The following SHISAL2B variants were observed in gnomAD, a reference collection of about 807,000 sequenced individuals.
The protein encoded by SHISAL2B is protein shisa-like-2B.
SHISAL2B carries 12 observed loss-of-function variants against 16.5 expected under a neutral mutation model. That is an observed-to-expected ratio of 0.73 (90% CI 0.47 to 1.18). The LOEUF (loss-of-function observed/expected upper bound fraction) is 1.18, where lower values mean the gene tolerates loss of function less well. Among genes scored for constraint, SHISAL2B ranks in the 50% most tolerant of loss-of-function variants. SHISAL2B has a pLI of 0.00. For synonymous variants in SHISAL2B, 72 were observed against 75.0 expected, an observed-to-expected ratio of 0.96 and a Z score of 0.21; for missense variants, 183 against 193.6, an observed-to-expected ratio of 0.95 and a Z score of 0.33.
intron 2 of SHISAL2B, among the ~76,000 whole-genome samples, chr5:64,709,321 A>G (rs1047681307): frequency 5.3e-5 from 8 of 151,606 alleles, no homozygotes; most frequent in African/African-American, 1.9e-4. Context: ...GTTTACTGAG[A>G]ATGATGGTTT....
intron 2 of SHISAL2B, among the ~76,000 whole-genome samples, chr5:64,695,953 C>A (rs1741727650): frequency 6.6e-6 from 1 of 152,116 alleles, no homozygotes; most frequent in African/African-American, 2.4e-5. Flanking sequence ...TAAAGTTTAT[C>A]CTCTTGAAAT....
In SHISAL2B at chr5:64,707,085, A is replaced by G. The variant is rs908176725; in HGVS notation, c.350-10804A>G. On this transcript the variant is annotated intron_variant, in intron 2 of 2. Coordinates refer to ENST00000389074, the MANE Select transcript of SHISAL2B (RefSeq NM_001164442.2). ...TTTCTTTCTCCAGTCTTCCATTTTT[A>G]TTAAAAACAAATCATAATAGGACCA... 5.3e-5 allele frequency among the ~76,000 whole-genome samples: 8 copies of G among 152,218 alleles called. No homozygotes were observed. In the South Asian group the frequency reaches 6.2e-4, roughly 12 times the overall value.
intron 2 of SHISAL2B, among the ~76,000 whole-genome samples, chr5:64,700,643 C>T (rs1468928972): frequency 3.3e-5 from 5 of 152,268 alleles, no homozygotes; most frequent in African/African-American, 1.2e-4. Flanking sequence ...AAACTCATGA[C>T]CTCAAATGAT....
At chr5:64,692,733 A>G (rs1007128853) in intron 1 of SHISAL2B, among the ~76,000 whole-genome samples, 1 of 152,162 alleles carries the variant, frequency 6.6e-6, no homozygotes, top group African/African-American at 2.4e-5. Flanking sequence ...CAAAGCTTGT[A>G]AAACAACTGC....
intron 2 of SHISAL2B, among the ~76,000 whole-genome samples, chr5:64,714,038 C>T (rs1296702745): frequency 2.8e-5 from 4 of 145,170 alleles, no homozygotes; most frequent in African/African-American, 1.1e-4. Flanking sequence ...CTTCTCTCAG[C>T]TCGTCAAAAT....
intron 2 of SHISAL2B, among the ~76,000 whole-genome samples, chr5:64,716,235 T>A (rs1336145837): frequency 1.3e-5 from 2 of 152,242 alleles, no homozygotes; most frequent in African/African-American, 4.8e-5. Context: ...GTAAGATCTT[T>A]ACATATTAGG....
intron 2 of SHISAL2B, among the ~76,000 whole-genome samples, chr5:64,695,986 G>A (rs1741728129): frequency 6.6e-6 from 1 of 152,178 alleles, no homozygotes; most frequent in Non-Finnish European, 1.5e-5. Flanking sequence ...GATTTTGGAT[G>A]GAGTCAAAGA....
At chr5:64,709,187 CT>C (rs1741916677) in intron 2 of SHISAL2B, among the ~76,000 whole-genome samples, 1 of 107,096 alleles carries the variant, frequency 9.3e-6, no homozygotes, top group Non-Finnish European at 1.8e-5. Flanking sequence ...TCCCTCCCCC[CT>C]CCCCCCACCC....
intron 2 of SHISAL2B, among the ~76,000 whole-genome samples, chr5:64,707,582 G>A (rs546143384): frequency 9.9e-5 from 15 of 152,210 alleles, no homozygotes; most frequent in Non-Finnish European, 1.8e-4. Flanking sequence ...CATTCTTATT[G>A]CACTTACACA....
intron 2 of SHISAL2B, among the ~76,000 whole-genome samples, chr5:64,705,945 G>A (rs1400821876): frequency 6.6e-6 from 1 of 152,264 alleles, no homozygotes; most frequent in East Asian, 1.9e-4. Flanking sequence ...GATCACTTGA[G>A]CCCAGGATTT....
Position 64,690,633 on chromosome 5 carries a change from G to T in SHISAL2B, c.10G>T (p.Ala4Ser). The change falls in exon 1 of 3, where the codon GCC (alanine) becomes TCC (serine). Residue 4 changes from alanine (A) to serine (S), a missense_variant. Ala to Ser is a moderately conservative substitution (Grantham distance 99). Coordinates refer to ENST00000389074, the MANE Select transcript of SHISAL2B (RefSeq NM_001164442.2). ...CCGGCCCCTGCCCGCGATGAGCGAG[G>T]CCAGCCGACTGTGCTCCGGCTACTA... Reference protein sequence around the residue: MSEASRLCSGYYSL... With the variant: MSESSRLCSGYYSL... 6.7e-7 allele frequency: 1 copy of T among 1,499,132 alleles called. No individual in the cohort carries two copies. The highest frequency in any genetic ancestry group is 8.9e-7 in the Non-Finnish European group (1 of 1,124,260). The allele number at this position is 1,499,132 out of a possible 1,614,324, so 92.9% of individuals were successfully genotyped here. A position where few individuals can be genotyped will look rare whatever the true frequency, so the allele number is the denominator to read the frequency against.
chr5:64,692,969 G>C (rs1741674524), intron 1 of SHISAL2B, among the ~76,000 whole-genome samples: 1 of 151,888 alleles, frequency 6.6e-6, no homozygotes, highest in African/African-American at 2.4e-5. Flanking sequence ...TTTTCTGAGA[G>C]TTAATACCTA....
chr5:64,712,283 C>A (rs1477729117), intron 2 of SHISAL2B, among the ~76,000 whole-genome samples: 1 of 151,928 alleles, frequency 6.6e-6, no homozygotes, highest in South Asian at 2.1e-4. Flanking sequence ...TTTCTGCCTT[C>A]ATTTCGTTAT....
rs544762026 is a variant in SHISAL2B, at chr5:64,693,152, C to G, written c.191+2338C>G. Among the ~76,000 whole-genome samples the G allele has an allele frequency of 1.1e-4, 17 of 152,112 alleles. No homozygotes were observed. The East Asian group carries it at 3.1e-3, about 28-fold the overall frequency. ...CCTCCCGAGTAGCTGGGACTACAGG[C>G]GCCTGCCACCATGCCTGGCTAATTT... is the stretch of plus-strand genomic sequence containing the variant. On this transcript the variant is annotated intron_variant, in intron 1 of 2. Transcript: ENST00000389074.
chr5:64,695,735 T>C, intron 2 of SHISAL2B, 71 bp downstream of exon 2: 1 of 1,139,878 alleles, frequency 8.8e-7, no homozygotes, highest in Non-Finnish European at 1.2e-6. Flanking sequence ...ACCTGGGTGA[T>C]AATACTGTTA....
chr5:64,690,941 C>G (rs1741639276), intron 1 of SHISAL2B, 127 bp downstream of exon 1: 1 of 747,302 alleles, frequency 1.3e-6, no homozygotes, highest in Non-Finnish European at 2.0e-6. Flanking sequence ...TAGGTCCCTA[C>G]GGAAGGACGC....
In SHISAL2B at chr5:64,718,036, G is replaced by C. The variant is rs951374320; in HGVS notation, c.*14G>C. 3 of 1,491,664 alleles carry C rather than the reference G, an allele frequency of 2.0e-6. No homozygotes were observed. Among genetic ancestry groups the C allele is most frequent in the East Asian group, 2.6e-5 (1 of 39,144 alleles). The allele number at this position is 1,491,664 out of a possible 1,614,324, so 92.4% of individuals were successfully genotyped here. A position where few individuals can be genotyped will look rare whatever the true frequency, so the allele number is the denominator to read the frequency against. ...ATTGCTTATTAACTAAAAATTCTGTGTTTTAAATGCTTACTGGAGAGATGG... is the reference window on the plus strand; with the variant it reads ...ATTGCTTATTAACTAAAAATTCTGTCTTTTAAATGCTTACTGGAGAGATGG... On this transcript the variant is annotated 3_prime_UTR_variant, in exon 3 of 3. Transcript: ENST00000389074.
intron 2 of SHISAL2B, among the ~76,000 whole-genome samples, chr5:64,709,126 C>T (rs1405808329): frequency 1.6e-4 from 24 of 146,784 alleles, no homozygotes; most frequent in African/African-American, 4.9e-4. Context: ...CATGCTGGTG[C>T]ACTGCACCCA....
intron 1 of SHISAL2B, 142 bp downstream of exon 1, chr5:64,690,956 CCT>C: frequency 1.5e-6 from 1 of 684,074 alleles, no homozygotes; most frequent in East Asian, 3.3e-5. Context: ...GGACGCGGAG[CCT>C]CTGAGGGCGG....
Sources: allele counts gnomAD v4.1 joint callset (sites outside exome capture counted in the v4.1 genomes callset), GRCh38; gene constraint gnomAD v4.1.1; transcripts MANE v1.5; gene names NCBI Gene and HGNC (gene_info 2026-07-23, HGNC 2026-07-21).